The following STAG1 variants were observed in gnomAD, a reference collection of about 807,000 sequenced individuals.
STAG1 encodes cohesin subunit SA-1.
In STAG1, 26 loss-of-function variants were observed where a neutral mutation model predicts 170.9. The ratio of observed to expected loss-of-function variants is 0.15; its 90% CI spans 0.11 to 0.21. The LOEUF (loss-of-function observed/expected upper bound fraction) is 0.21. Among genes scored for constraint, STAG1 ranks in the 10% least tolerant of loss-of-function variants. The pLI, the probability that STAG1 is intolerant of heterozygous loss-of-function variation, is 1.00. For missense variants in STAG1, 964 were observed against 1,509.5 expected (o/e 0.64, Z 5.99); for synonymous variants, 514 against 497.7 (o/e 1.03, Z -0.44).
At position 136,343,927 on chromosome 3, in the gene STAG1, G is replaced by T. The variant is rs758713527; in HGVS notation, c.3351C>A (p.Leu1117=). Residue 1117 remains leucine, a synonymous_variant, in exon 30 of 34, where the codon CTC becomes CTA. Transcript: ENST00000383202. ...QTPGPLPAPQ[L]TSTVLRENSR... ...TGTTCTCCCGCAGTACAGTGGATGT[G>T]AGTTGTGGTGCTGGCAGGGGGCCAG... 6.2e-7 allele frequency: 1 copy of T among 1,612,196 alleles called. No individual in the cohort carries two copies. The highest frequency in any genetic ancestry group is 1.1e-5 in the South Asian group (1 of 90,704).
chr3:136,677,802 A>G (rs952204702), intron 1 of STAG1, among the ~76,000 whole-genome samples: 2 of 151,474 alleles, frequency 1.3e-5, no homozygotes, highest in Admixed American at 1.3e-4. Flanking sequence ...ATTTTGTTAT[A>G]GCAGCCTGAA....
chr3:136,469,562 A>C (rs1395261196), intron 12 of STAG1, among the ~76,000 whole-genome samples: 1 of 152,240 alleles, frequency 6.6e-6, no homozygotes, highest in East Asian at 1.9e-4. Flanking sequence ...ATACTGCCCA[A>C]GGTAATTTAT....
chr3:136,456,843 G>A (rs1361778807), intron 13 of STAG1, among the ~76,000 whole-genome samples: 1 of 152,200 alleles, frequency 6.6e-6, no homozygotes, highest in Non-Finnish European at 1.5e-5. Flanking sequence ...GGTCAGGATA[G>A]ACTGGGATGC....
At chr3:136,573,315 C>A (rs1937336393) in intron 4 of STAG1, among the ~76,000 whole-genome samples, 1 of 152,066 alleles carries the variant, frequency 6.6e-6, no homozygotes, top group Non-Finnish European at 1.5e-5. Flanking sequence ...ATAATGCAGC[C>A]TGTCATAAAT....
chr3:136,541,972 A>G, intron 6 of STAG1, 147 bp downstream of exon 6: 1 of 619,528 alleles, frequency 1.6e-6, no homozygotes, highest in Non-Finnish European at 2.8e-6. Flanking sequence ...TTAATTTTGG[A>G]ATTAGTACCA....
chr3:136,402,853 G>A (rs909931195), intron 21 of STAG1, among the ~76,000 whole-genome samples: 1 of 151,874 alleles, frequency 6.6e-6, no homozygotes, highest in African/African-American at 2.4e-5. Flanking sequence ...TAAATTTTCA[G>A]GTTTCAGATC....
chr3:136,706,411 T>G (rs549554986), intron 1 of STAG1, among the ~76,000 whole-genome samples: 1 of 152,142 alleles, frequency 6.6e-6, no homozygotes, highest in Non-Finnish European at 1.5e-5. Flanking sequence ...AAGATCAATA[T>G]ACATAAATCA....
chr3:136,420,216 C>T (rs1410728772), intron 20 of STAG1, among the ~76,000 whole-genome samples: 3 of 134,766 alleles, frequency 2.2e-5, no homozygotes, highest in Non-Finnish European at 4.6e-5. Context: ...CACTACATTC[C>T]AGTCTGGGCG....
chr3:136,486,452 CA>C (rs2090014440), intron 9 of STAG1, among the ~76,000 whole-genome samples: 1 of 152,180 alleles, frequency 6.6e-6, no homozygotes, highest in African/African-American at 2.4e-5. Flanking sequence ...AACCAAAACA[CA>C]ACTACAAAAT....
rs1261802461 is a variant in STAG1 at position 136,515,257 on chromosome 3, C to T, written c.676+5956G>A. On this transcript the variant is annotated intron_variant, in intron 7 of 33. Coordinates refer to ENST00000383202, the MANE Select transcript of STAG1 (RefSeq NM_005862.3). The stretch of plus-strand genomic sequence containing the variant: ...GTGCACGCCTGCAGTCCCAGCTACT[C>T]GGGAGGCTGAGGCAAGAGAATCACT... Among the ~76,000 whole-genome samples the T allele has an allele frequency of 5.3e-5, 8 of 151,994 alleles. No homozygotes were observed. In the South Asian group the frequency reaches 6.2e-4, roughly 12 times the overall value.
chr3:136,495,112 T>C (rs1002901708), intron 9 of STAG1, among the ~76,000 whole-genome samples: 3 of 152,176 alleles, frequency 2.0e-5, no homozygotes, highest in Admixed American at 1.3e-4. Flanking sequence ...AGTGTAAGGA[T>C]AGACAGAAAA....
rs747339467 is a variant in STAG1, at chr3:136,587,541, CAAAAA to C, written c.297+16763_297+16767del. Among the ~76,000 whole-genome samples the C allele has an allele frequency of 1.9e-3, 116 of 60,786 alleles. 5 individuals are homozygous for C. The South Asian group carries it at 0.065, about 34-fold the overall frequency. 39.9% of individuals were successfully genotyped at this position (60,786 alleles called of 152,430 possible). Reference sequence around the variant, plus strand: ...GGGTAACAAGAATGAAACTCCATCTCAAAAAAAAAAAAAAAAAAAAGCAATTTATA... The same window carrying C: ...GGGTAACAAGAATGAAACTCCATCTCAAAAAAAAAAAAAAAGCAATTTATA... On this transcript the variant is annotated intron_variant, in intron 4 of 33. Transcript: ENST00000383202.
chr3:136,440,627 G>C (rs2088601542), intron 15 of STAG1, among the ~76,000 whole-genome samples: 3 of 152,044 alleles, frequency 2.0e-5, no homozygotes, highest in Admixed American at 2.0e-4. Context: ...TTACTCAAGT[G>C]TTGATAAGGC....
intron 21 of STAG1, among the ~76,000 whole-genome samples, chr3:136,405,357 T>C (rs996872126): frequency 1.4e-5 from 2 of 147,108 alleles, no homozygotes; most frequent in Non-Finnish European, 3.0e-5. Context: ...TTCTTGTGCA[T>C]CAGCTTTCCG....
At chr3:136,510,382 C>G (rs1576547116) in intron 7 of STAG1, among the ~76,000 whole-genome samples, 1 of 150,224 alleles carries the variant, frequency 6.7e-6, no homozygotes, top group Non-Finnish European at 1.5e-5. Context: ...CCCCGCCTCC[C>G]TGGTTCAAGT....
chr3:136,475,049 A>G lies in STAG1; in HGVS notation c.1027-1412T>C, dbSNP rs564368464. On this transcript the variant is annotated intron_variant, in intron 10 of 33. Coordinates refer to ENST00000383202, the MANE Select transcript of STAG1 (RefSeq NM_005862.3). ...TTTACTCTCCCAATCTCCCTGTGAG[A>G]TCAGGTTGAGATTAGACTTCTCCTG... Among the ~76,000 whole-genome samples, 4 of 151,488 alleles carry G rather than the reference A, an allele frequency of 2.6e-5. No individual in the cohort carries two copies. In the South Asian group the frequency reaches 8.4e-4, roughly 32 times the overall value.
intron 1 of STAG1, among the ~76,000 whole-genome samples, chr3:136,746,215 A>G (rs1934927519): frequency 6.6e-6 from 1 of 152,212 alleles, no homozygotes; most frequent in African/African-American, 2.4e-5. Flanking sequence ...TCTAGCAAGA[A>G]TCATCTAAAT....
chr3:136,478,211 C>A (rs1456937711), intron 9 of STAG1, among the ~76,000 whole-genome samples: 1 of 152,086 alleles, frequency 6.6e-6, no homozygotes, highest in Non-Finnish European at 1.5e-5. Flanking sequence ...CGGAAGAATC[C>A]ACCTCTAGTG....
chr3:136,719,665 AGGTGGGTGGGTGGGTG>A (rs1358167719), intron 1 of STAG1, among the ~76,000 whole-genome samples: 2 of 12,816 alleles, frequency 1.6e-4, no homozygotes, highest in Middle Eastern at 0.056. Flanking sequence ...GTGGGTGGGT[AGGTGGGTGGGTGGGTG>A]GGTGGGTGGA....
Sources: gnomAD v4.1 joint callset for allele counts (sites outside exome capture counted in the v4.1 genomes callset) on GRCh38, gnomAD v4.1.1 for gene constraint, MANE v1.5 for transcripts, NCBI Gene and HGNC (gene_info 2026-07-23, HGNC 2026-07-21) for gene names.